Variants in TNRC6C observed in about 807,000 individuals in gnomAD.
TNRC6C encodes the protein trinucleotide repeat containing adaptor 6C.
TNRC6C carries 20 observed loss-of-function variants against 153.7 expected under a neutral mutation model. The ratio of observed to expected loss-of-function variants is 0.13; its 90% CI spans 0.09 to 0.19. TNRC6C has a LOEUF of 0.19. TNRC6C is among the 10% of genes least tolerant of loss of function. The pLI is 1.00. For missense variants in TNRC6C, 1,987 were observed against 2,172.0 expected, an observed-to-expected ratio of 0.91 and a Z score of 1.69; for synonymous variants, 811 against 841.4, an observed-to-expected ratio of 0.96 and a Z score of 0.63.
At chr17:77,959,083 GCGCCGCCGCCGCAGCCGC>G (rs1270291951), upstream of TNRC6C, among the ~76,000 whole-genome samples, 2 of 142,166 alleles carry the variant, frequency 1.4e-5, no homozygotes, top group Admixed American at 6.9e-5. Context: ...CCACTCGCCC[GCGCCGCCGCCGCAGCCGC>G]CGCCGCCGCC....
intron 1 of TNRC6C, among the ~76,000 whole-genome samples, chr17:77,991,043 T>C (rs1250415962): frequency 6.6e-6 from 1 of 152,230 alleles, no homozygotes; most frequent in Non-Finnish European, 1.5e-5. Flanking sequence ...CGAAGGTAGA[T>C]TAGGTATAAA....
intron 8 of TNRC6C, 45 bp from the exon 11 acceptor site, chr17:78,077,140 G>A (rs982213673): frequency 1.3e-6 from 2 of 1,569,264 alleles, no homozygotes; most frequent in Admixed American, 3.7e-5. Context: ...TGCTTTGTCT[G>A]CTGATGGACA....
At chr17:78,090,996 A>G (rs1036998760) in intron 13 of TNRC6C, among the ~76,000 whole-genome samples, 3 of 152,228 alleles carry the variant, frequency 2.0e-5, no homozygotes, top group African/African-American at 4.8e-5. Context: ...GACTTTTTCT[A>G]TTTTCCTGTG....
intron 1 of TNRC6C, among the ~76,000 whole-genome samples, chr17:78,006,473 TTTCTTC>T (rs201839982): frequency 4.0e-5 from 6 of 151,018 alleles, no homozygotes; most frequent in South Asian, 4.2e-4. Flanking sequence ...GGATCATCCA[TTTCTTC>T]TTCTTCTTCT....
intron 1 of TNRC6C, among the ~76,000 whole-genome samples, chr17:77,964,772 C>T (rs1466998406): frequency 6.6e-6 from 1 of 152,088 alleles, no homozygotes; most frequent in African/African-American, 2.4e-5. Flanking sequence ...GGGAGATGCA[C>T]AAGTATTTTT....
intron 1 of TNRC6C, among the ~76,000 whole-genome samples, chr17:77,997,138 G>C (rs1270626492): frequency 2.6e-5 from 4 of 152,210 alleles, no homozygotes; most frequent in Non-Finnish European, 4.4e-5. Context: ...CGTTTCTTAA[G>C]AAGCGTGGTC....
In TNRC6C at chr17:77,985,601, CA is replaced by C. The variant is rs1229331703; in HGVS notation, c.-37-18554del. ...TGGGCAACAGAGCGAGACTCCGTCTCAAAAAAAAAAAAAAACCAGCAACTGT... is the reference window on the plus strand; with the variant it reads ...TGGGCAACAGAGCGAGACTCCGTCTCAAAAAAAAAAAAAACCAGCAACTGT... On this transcript the variant is annotated intron_variant, in intron 1 of 22. Transcript: ENST00000636222. Among the ~76,000 whole-genome samples the C allele has an allele frequency of 6.6e-3, 633 of 96,190 alleles. 14 individuals are homozygous for C. Among genetic ancestry groups the C allele is most frequent in the African/African-American group, 0.017 (416 of 23,814 alleles). 63.1% of individuals were successfully genotyped at this position (96,190 alleles called of 152,430 possible).
At chr17:78,087,672 A>G (rs948770449) in intron 13 of TNRC6C, among the ~76,000 whole-genome samples, 4 of 152,194 alleles carry the variant, frequency 2.6e-5, no homozygotes, top group Non-Finnish European at 2.9e-5. Context: ...AAGTATTCAG[A>G]TTTACATTAA....
At chr17:77,995,039 A>G (rs1444019892) in intron 1 of TNRC6C, among the ~76,000 whole-genome samples, 1 of 152,258 alleles carries the variant, frequency 6.6e-6, no homozygotes, top group African/African-American at 2.4e-5. Flanking sequence ...GAACAGGGAA[A>G]GGTGACTGTC....
intron 3 of TNRC6C, among the ~76,000 whole-genome samples, chr17:78,052,844 T>C (rs1043422100): frequency 1.3e-5 from 2 of 152,200 alleles, no homozygotes; most frequent in African/African-American, 2.4e-5. Flanking sequence ...AACGCATCAG[T>C]GTCACTAAAC....
intron 1 of TNRC6C, among the ~76,000 whole-genome samples, chr17:78,013,898 A>G (rs904355872): frequency 6.6e-6 from 1 of 152,346 alleles, no homozygotes; most frequent in East Asian, 1.9e-4. Context: ...TTGGTTCACT[A>G]TGCGAGGCAT....
chr17:78,088,067 G>T (rs537964026), intron 13 of TNRC6C, among the ~76,000 whole-genome samples: 1 of 152,348 alleles, frequency 6.6e-6, no homozygotes, highest in Admixed American at 6.5e-5. Flanking sequence ...GGCCAGTTGA[G>T]TGGTAGTGAA....
At chr17:78,059,199 C>T (rs1391795923) in intron 3 of TNRC6C, among the ~76,000 whole-genome samples, 2 of 152,210 alleles carry the variant, frequency 1.3e-5, no homozygotes, top group African/African-American at 2.4e-5. Context: ...CAGCTGTTTT[C>T]ACATAACTTC....
chr17:78,087,607 C>A (rs1471010012), intron 13 of TNRC6C, among the ~76,000 whole-genome samples: 6 of 152,176 alleles, frequency 3.9e-5, no homozygotes, highest in Admixed American at 3.9e-4. Flanking sequence ...ACTTTACCAG[C>A]CACTGTCCTC....
At chr17:78,009,891 A>G (rs2071594010) in intron 1 of TNRC6C, among the ~76,000 whole-genome samples, 1 of 149,622 alleles carries the variant, frequency 6.7e-6, no homozygotes. Context: ...CTGAATTTAT[A>G]CTTTTTTTGA....
chr17:78,083,507 C>T (rs2073219286), intron 11 of TNRC6C, among the ~76,000 whole-genome samples: 1 of 152,188 alleles, frequency 6.6e-6, no homozygotes, highest in African/African-American at 2.4e-5. Flanking sequence ...CATGGCTTGG[C>T]CTCTTTGTGT....
At chr17:77,984,676 C>A (rs1315181243) in intron 1 of TNRC6C, among the ~76,000 whole-genome samples, 1 of 152,214 alleles carries the variant, frequency 6.6e-6, no homozygotes, top group Non-Finnish European at 1.5e-5. Context: ...GGAAGTTTCT[C>A]TGCCTCCCAG....
At chr17:77,976,356 A>G (rs1415791573) in intron 1 of TNRC6C, among the ~76,000 whole-genome samples, 2 of 152,250 alleles carry the variant, frequency 1.3e-5, no homozygotes, top group African/African-American at 4.8e-5. Context: ...ATGCTAGCAT[A>G]TAAAATTGAG....
chr17:78,055,440 A>G (rs2072634982), intron 3 of TNRC6C, among the ~76,000 whole-genome samples: 4 of 152,186 alleles, frequency 2.6e-5, no homozygotes, highest in South Asian at 4.1e-4. Context: ...CTGGCCGCAC[A>G]GTAGGTTTGT....
Sources: gnomAD v4.1 joint callset for allele counts (sites outside exome capture counted in the v4.1 genomes callset) on GRCh38, gnomAD v4.1.1 for gene constraint, MANE v1.5 for transcripts, NCBI Gene and HGNC (gene_info 2026-07-23, HGNC 2026-07-21) for gene names.